The following RPH3A variants were observed in gnomAD, a reference collection of about 807,000 sequenced individuals.
RPH3A encodes rabphilin-3A.
In RPH3A, 48 loss-of-function variants were observed where a neutral mutation model predicts 102.2. That is an observed-to-expected ratio of 0.47 (90% CI 0.37 to 0.60). RPH3A has a LOEUF of 0.60. Among genes scored for constraint, RPH3A ranks in the 20% least tolerant of loss-of-function variants. The pLI, the probability that RPH3A is intolerant of heterozygous loss-of-function variation, is 0.00. For missense variants in RPH3A, 781 were observed against 910.1 expected (o/e 0.86, Z 1.83); for synonymous variants, 310 against 324.3 (o/e 0.96, Z 0.47).
In RPH3A at chr12:112,875,761, C is replaced by T. The variant is rs1432083586; in HGVS notation, c.946+20C>T. 6.2e-7 allele frequency: 1 copy of T among 1,612,516 alleles called. No individual in the cohort carries two copies. The highest frequency in any genetic ancestry group is 8.5e-7 in the Non-Finnish European group (1 of 1,179,068). ...AGCCAGGCAAGTATCTGCTTCCTCC[C>T]ATGCCTGCCCAAGTGGCCACCTCTC... On this transcript the variant is annotated intron_variant, in intron 12 of 21. Transcript: ENST00000389385.
intron 2 of RPH3A, among the ~76,000 whole-genome samples, chr12:112,815,416 GCA>G (rs2041654742): frequency 6.6e-6 from 1 of 152,192 alleles, no homozygotes; most frequent in African/African-American, 2.4e-5. Flanking sequence ...CACTGGACCA[GCA>G]TGACCTTGAC....
In RPH3A at chr12:112,721,896, A is replaced by G. The variant is rs551860936; in HGVS notation, c.-139-70247A>G. The stretch of plus-strand genomic sequence containing the variant: ...TGTCTCCAATTTTCATGCATTTCCA[A>G]GTTCCATTAACAAAAGAAAAAAACC... On this transcript the variant is annotated intron_variant, in intron 1 of 21. Coordinates refer to the RPH3A transcript ENST00000543106. 3.7e-4 allele frequency among the ~76,000 whole-genome samples: 56 copies of G among 152,358 alleles called. 1 individual carries two copies. Among genetic ancestry groups the G allele is most frequent in the African/African-American group, 1.3e-3 (55 of 41,580 alleles).
At chr12:112,629,911 C>T (rs1220027184) in intron 1 of RPH3A, among the ~76,000 whole-genome samples, 1 of 151,878 alleles carries the variant, frequency 6.6e-6, no homozygotes, top group African/African-American at 2.4e-5. Flanking sequence ...CATGAGTATC[C>T]CCCATATTAC....
intron 1 of RPH3A, among the ~76,000 whole-genome samples, chr12:112,714,271 G>T (rs890136482): frequency 3.9e-5 from 6 of 152,156 alleles, no homozygotes; most frequent in African/African-American, 1.4e-4. Context: ...GCATCTTGAG[G>T]CAGGGCTTTA....
At chr12:112,822,896 G>A (rs1298196819) in intron 2 of RPH3A, among the ~76,000 whole-genome samples, 1 of 152,208 alleles carries the variant, frequency 6.6e-6, no homozygotes, top group Non-Finnish European at 1.5e-5. Context: ...TGCTTCTTTT[G>A]TTACTGAAAG....
intron 2 of RPH3A, among the ~76,000 whole-genome samples, chr12:112,824,005 C>A (rs1222113296): frequency 6.6e-6 from 1 of 152,206 alleles, no homozygotes; most frequent in Non-Finnish European, 1.5e-5. Flanking sequence ...CCCTGAGATT[C>A]TCCTGTCTCC....
chr12:112,739,416 C>A (rs866074523), intron 1 of RPH3A, among the ~76,000 whole-genome samples: 1 of 152,136 alleles, frequency 6.6e-6, no homozygotes, highest in Non-Finnish European at 1.5e-5. Context: ...CACGAGGAGC[C>A]GTCACCTGAG....
At chr12:112,678,570 A>G (rs915109728) in intron 1 of RPH3A, among the ~76,000 whole-genome samples, 3 of 152,086 alleles carry the variant, frequency 2.0e-5, no homozygotes, top group African/African-American at 7.2e-5. Flanking sequence ...CAGGAAAAAC[A>G]TTTATTTATT....
At chr12:112,704,346 T>C (rs1197868803) in intron 1 of RPH3A, among the ~76,000 whole-genome samples, 1 of 152,150 alleles carries the variant, frequency 6.6e-6, no homozygotes, top group African/African-American at 2.4e-5. Context: ...CACCTCAGCC[T>C]CCCAAAATGC....
At chr12:112,876,264 A>G (rs1347832798) in intron 12 of RPH3A, among the ~76,000 whole-genome samples, 1 of 152,204 alleles carries the variant, frequency 6.6e-6, no homozygotes, top group Non-Finnish European at 1.5e-5. Context: ...CACTGTTTTA[A>G]GTGCTACACC....
At chr12:112,856,597 G>A (rs2042415918) in intron 5 of RPH3A, among the ~76,000 whole-genome samples, 1 of 152,170 alleles carries the variant, frequency 6.6e-6, no homozygotes. Context: ...GTGTGTGTGT[G>A]TGTTTAGAGA....
rs1691238541 is a variant in RPH3A, at chr12:112,868,471, C to T, written c.486C>T (p.Pro162=). The change falls in exon 8 of 22, where the codon CCC becomes CCT. Residue 162 remains proline (P), a synonymous_variant. Coordinates refer to ENST00000389385, the MANE Select transcript of RPH3A (RefSeq NM_001143854.2). ...GAGCGTGGTTCTTCAAAGGCTTCCC[C>T]AAACAGGTCCTCCCACAGCCTATGC... ...RSGAWFFKGF[P]KQVLPQPMPI... 6.2e-7 allele frequency: 1 copy of T among 1,614,068 alleles called. No homozygotes were observed. The highest frequency in any genetic ancestry group is 1.3e-5 in the African/African-American group (1 of 74,930).
At chr12:112,764,907 G>A (rs2040877725) in intron 1 of RPH3A, among the ~76,000 whole-genome samples, 1 of 152,024 alleles carries the variant, frequency 6.6e-6, no homozygotes, top group Admixed American at 6.6e-5. Flanking sequence ...AATTTCATCT[G>A]TTTGAAATAC....
intron 5 of RPH3A, among the ~76,000 whole-genome samples, chr12:112,858,140 A>G (rs1225958124): frequency 6.6e-6 from 1 of 151,730 alleles, no homozygotes; most frequent in Non-Finnish European, 1.5e-5. Flanking sequence ...AGTGGCACGC[A>G]CCTGGAGTCA....
intron 2 of RPH3A, among the ~76,000 whole-genome samples, chr12:112,794,680 C>A (rs1177097951): frequency 1.3e-5 from 2 of 152,032 alleles, no homozygotes; most frequent in African/African-American, 4.8e-5. Context: ...CATGTGAGCA[C>A]CCCCCCAAGT....
In RPH3A at chr12:112,875,747, T is replaced by C; in HGVS notation, c.946+6T>C. ...CTTTCCAGATCAGAAGCCAGGCAAG[T>C]ATCTGCTTCCTCCCATGCCTGCCCA... On this transcript the variant is annotated splice_donor_region_variant and intron_variant, in intron 12 of 21. Coordinates refer to ENST00000389385, the MANE Select transcript of RPH3A (RefSeq NM_001143854.2). The C allele has an allele frequency of 6.2e-7, 1 of 1,613,614 alleles. No homozygotes were observed.
At chr12:112,814,730 C>T (rs1439212037) in intron 2 of RPH3A, among the ~76,000 whole-genome samples, 1 of 152,206 alleles carries the variant, frequency 6.6e-6, no homozygotes, top group African/African-American at 2.4e-5. Flanking sequence ...AGGGGAATAA[C>T]TTCAGAGCCC....
upstream of RPH3A, among the ~76,000 whole-genome samples, chr12:112,787,021 A>G (rs543575699): frequency 6.6e-6 from 1 of 152,216 alleles, no homozygotes; most frequent in South Asian, 2.1e-4. Flanking sequence ...CAAGACCAGT[A>G]ACAAAGCATC....
At chr12:112,607,534 T>TA (rs1293017902) in intron 1 of RPH3A, among the ~76,000 whole-genome samples, 1 of 152,226 alleles carries the variant, frequency 6.6e-6, no homozygotes, top group African/African-American at 2.4e-5. Flanking sequence ...AGTTTTATGT[T>TA]AATTGGAAGA....
Sources: gnomAD v4.1 joint callset for allele counts (sites outside exome capture counted in the v4.1 genomes callset) on GRCh38, gnomAD v4.1.1 for gene constraint, MANE v1.5 for transcripts, NCBI Gene and HGNC (gene_info 2026-07-23, HGNC 2026-07-21) for gene names.